ESRRB: variants seen among roughly 807,000 people sequenced by gnomAD.
ESRRB encodes the protein steroid hormone receptor ERR2.
A neutral mutation model predicts 46.0 loss-of-function variants in ESRRB; 16 were observed. The observed-to-expected ratio is 0.35, with a 90% CI of 0.24 to 0.53. ESRRB has a LOEUF of 0.53. Ranked by LOEUF, ESRRB falls within the 20% of genes least tolerant of loss-of-function variation. The pLI is 0.93. For synonymous variants in ESRRB, 246 were observed against 259.6 expected (o/e 0.95, Z 0.50); for missense variants, 488 against 607.4 (o/e 0.80, Z 2.07).
Position 76,491,688 on chromosome 14 carries a change from G to A in ESRRB, c.1092G>A (p.Thr364=), listed in dbSNP as rs375871591. The A allele has an allele frequency of 1.4e-5, 22 of 1,584,940 alleles. No homozygotes were observed. The highest frequency in any genetic ancestry group is 7.4e-5 in the Admixed American group (4 of 53,900). ...AGGTGGAGAAGGAGGAGTTTGTGACGCTCAAGGCCCTGGCCCTCGCCAACT... is the reference window on the plus strand; with the variant it reads ...AGGTGGAGAAGGAGGAGTTTGTGACACTCAAGGCCCTGGCCCTCGCCAACT... The part of the protein sequence containing the change: ...KLKVEKEEFV[T]LKALALANSD... The change falls in exon 6 of 7, where the codon ACG becomes ACA. Residue 364 remains threonine, a synonymous_variant. Coordinates refer to ENST00000644823, the MANE Select transcript of ESRRB (RefSeq NM_001379180.1).
At chr14:76,342,478 C>G (rs931015250) in intron 1 of ESRRB, among the ~76,000 whole-genome samples, 1 of 152,254 alleles carries the variant, frequency 6.6e-6, no homozygotes, top group African/African-American at 2.4e-5. Context: ...CATTCTTCCA[C>G]CTGACACCTG....
intron 1 of ESRRB, among the ~76,000 whole-genome samples, chr14:76,436,349 A>G (rs1328967539): frequency 6.6e-6 from 1 of 152,352 alleles, no homozygotes; most frequent in Non-Finnish European, 1.5e-5. Flanking sequence ...AACAGGTGAC[A>G]CAGAGTACTT....
At chr14:76,449,368 T>G (rs922621421) in intron 2 of ESRRB, among the ~76,000 whole-genome samples, 2 of 151,960 alleles carry the variant, frequency 1.3e-5, no homozygotes, top group East Asian at 3.9e-4. Context: ...CTGGCCAACA[T>G]GGCGAAACCC....
At chr14:76,373,309 G>A (rs565583083), upstream of ESRRB, among the ~76,000 whole-genome samples, 170 of 152,248 alleles carry the variant, frequency 1.1e-3, no homozygotes, top group South Asian at 1.9e-3. Context: ...TTTTAGGACT[G>A]AAGAAAGCCA....
chr14:76,312,620 A>G (rs937361362), intron 1 of ESRRB, among the ~76,000 whole-genome samples: 2 of 151,778 alleles, frequency 1.3e-5, no homozygotes, highest in Admixed American at 1.3e-4. Context: ...ACAAACGCCA[A>G]CTAGGAGTTA....
At chr14:76,486,698 A>G (rs1890036074) in intron 5 of ESRRB, among the ~76,000 whole-genome samples, 1 of 152,162 alleles carries the variant, frequency 6.6e-6, no homozygotes, top group Non-Finnish European at 1.5e-5. Context: ...CAGAGCTCCA[A>G]GTGGGAGCAT....
intron 3 of ESRRB, among the ~76,000 whole-genome samples, chr14:76,465,930 C>T (rs909494705): frequency 1.1e-4 from 17 of 152,218 alleles, no homozygotes; most frequent in Admixed American, 6.5e-4. Flanking sequence ...TCCGTGGGGA[C>T]CGACCCCCTT....
chr14:76,382,854 G>A (rs1299567201), intron 1 of ESRRB, among the ~76,000 whole-genome samples: 2 of 152,010 alleles, frequency 1.3e-5, no homozygotes, highest in African/African-American at 2.4e-5. Context: ...AAAAAAAAAT[G>A]TCTTTCCTTT....
intron 3 of ESRRB, among the ~76,000 whole-genome samples, chr14:76,480,304 G>C (rs891000742): frequency 6.6e-6 from 1 of 152,182 alleles, no homozygotes; most frequent in Admixed American, 6.5e-5. Context: ...AGGAGTTGTG[G>C]GCTCACTCAG....
At chr14:76,429,542 G>A (rs544531079) in intron 1 of ESRRB, among the ~76,000 whole-genome samples, 15 of 152,262 alleles carry the variant, frequency 9.9e-5, no homozygotes, top group African/African-American at 3.6e-4. Context: ...CCTGAGGTTG[G>A]GAGTTCCAGA....
chr14:76,490,473 C>T lies in ESRRB; in HGVS notation c.851-974C>T, dbSNP rs141244178. Among the ~76,000 whole-genome samples the T allele has an allele frequency of 2.8e-4, 42 of 152,264 alleles. 1 individual carries two copies. The East Asian group carries it at 6.9e-3, about 25-fold the overall frequency. ...AATACTTTGTATATTCTGGAATCAT[C>T]GTCTCATTTAGACCTCACAGCAACT... On this transcript the variant is annotated intron_variant, in intron 5 of 6. Transcript: ENST00000644823.
intron 6 of ESRRB, among the ~76,000 whole-genome samples, chr14:76,497,128 G>A (rs1890462603): frequency 6.6e-6 from 1 of 152,154 alleles, no homozygotes; most frequent in Non-Finnish European, 1.5e-5. Flanking sequence ...GCCCAGCCAT[G>A]TTAGGTACAC....
chr14:76,464,882 T>C (rs1416643282), intron 3 of ESRRB, among the ~76,000 whole-genome samples: 1 of 152,108 alleles, frequency 6.6e-6, no homozygotes, highest in African/African-American at 2.4e-5. Flanking sequence ...TGCTGGTCTC[T>C]TGACTTTCTC....
At chr14:76,354,773 G>C (rs940656420) in intron 1 of ESRRB, among the ~76,000 whole-genome samples, 1 of 145,420 alleles carries the variant, frequency 6.9e-6, no homozygotes, top group Non-Finnish European at 1.5e-5. Flanking sequence ...GCAATGGCTC[G>C]ATCTCAGCTC....
At chr14:76,480,316 G>A (rs1458781438) in intron 3 of ESRRB, among the ~76,000 whole-genome samples, 1 of 152,186 alleles carries the variant, frequency 6.6e-6, no homozygotes, top group Non-Finnish European at 1.5e-5. Flanking sequence ...CTCACTCAGT[G>A]AACTCACAGC....
intron 5 of ESRRB, 139 bp from the exon 6 acceptor site, chr14:76,491,308 C>G: frequency 1.3e-6 from 1 of 780,804 alleles, no homozygotes; most frequent in Non-Finnish European, 2.1e-6. Flanking sequence ...CAGGGAAAGC[C>G]TGGGGGCAGG....
At chr14:76,369,131 A>G (rs936287966), upstream of ESRRB, among the ~76,000 whole-genome samples, 10 of 150,430 alleles carry the variant, frequency 6.6e-5, no homozygotes, top group African/African-American at 2.4e-4. Context: ...AGGGAGTCAG[A>G]GGTTGCAGTG....
At chr14:76,330,474 C>T (rs77720877) in intron 1 of ESRRB, among the ~76,000 whole-genome samples, 1 of 152,220 alleles carries the variant, frequency 6.6e-6, no homozygotes, top group Non-Finnish European at 1.5e-5. Flanking sequence ...GCTATGAATA[C>T]CCCTAAAAAG....
chr14:76,478,294 T>C (rs972051902), intron 3 of ESRRB, among the ~76,000 whole-genome samples: 4 of 151,976 alleles, frequency 2.6e-5, no homozygotes, highest in Middle Eastern at 3.2e-3. Context: ...AGGACAGAGG[T>C]ACATCCACCC....
Sources: gnomAD v4.1 joint callset for allele counts (sites outside exome capture counted in the v4.1 genomes callset) on GRCh38, gnomAD v4.1.1 for gene constraint, MANE v1.5 for transcripts, NCBI Gene and HGNC (gene_info 2026-07-23, HGNC 2026-07-21) for gene names.